DSCAML1: variants seen among roughly 807,000 people sequenced by gnomAD.
DSCAML1 encodes the protein cell adhesion molecule DSCAML1.
In DSCAML1, 38 loss-of-function variants were observed where a neutral mutation model predicts 200.5. The ratio of observed to expected loss-of-function variants is 0.19; its 90% CI spans 0.15 to 0.25. DSCAML1 has a LOEUF of 0.25. DSCAML1 is among the 10% of genes least tolerant of loss of function. The pLI is 1.00. For synonymous variants in DSCAML1, 1,215 were observed against 1,165.0 expected (o/e 1.04, Z -0.87); for missense variants, 2,223 against 2,858.8 (o/e 0.78, Z 5.07).
At chr11:117,747,249 C>T (rs1224960937) in intron 3 of DSCAML1, among the ~76,000 whole-genome samples, 1 of 152,208 alleles carries the variant, frequency 6.6e-6, no homozygotes, top group Non-Finnish European at 1.5e-5. Context: ...CATAACAAAT[C>T]AAGCACCGCA....
chr11:117,561,539 C>T (rs1222907524), intron 3 of DSCAML1, among the ~76,000 whole-genome samples: 1 of 152,216 alleles, frequency 6.6e-6, no homozygotes. Flanking sequence ...TGCCTTGCTC[C>T]ATCCACCCAG....
chr11:117,484,660 T>TATG (rs1398128882), intron 11 of DSCAML1, among the ~76,000 whole-genome samples: 1 of 152,218 alleles, frequency 6.6e-6, no homozygotes, highest in East Asian at 1.9e-4. Context: ...CATAATTCAC[T>TATG]CGTATAAACC....
At chr11:117,597,453 C>A (rs2137500215) in intron 3 of DSCAML1, among the ~76,000 whole-genome samples, 1 of 152,276 alleles carries the variant, frequency 6.6e-6, no homozygotes, top group Middle Eastern at 3.4e-3. Context: ...GGAATTATTT[C>A]TTTTGTCTTT....
Position 117,654,635 on chromosome 11 carries a change from A to G in DSCAML1, c.512-122113T>C, listed in dbSNP as rs772462341. On this transcript the variant is annotated intron_variant, in intron 3 of 32. Coordinates refer to ENST00000651296, the MANE Select transcript of DSCAML1 (RefSeq NM_020693.4). The stretch of plus-strand genomic sequence containing the variant: ...TAAATGGGCAAGATTTACTGCCGAG[A>G]TGTCACTGCTCTGGGAAGCTGCGGC... Among the ~76,000 whole-genome samples, 7 of 152,162 alleles carry G rather than the reference A, an allele frequency of 4.6e-5. No homozygotes were observed. In the East Asian group the frequency reaches 1.3e-3, roughly 29 times the overall value.
chr11:117,461,014 C>T (rs1032317182), intron 18 of DSCAML1, among the ~76,000 whole-genome samples: 2 of 152,018 alleles, frequency 1.3e-5, no homozygotes, highest in African/African-American at 4.8e-5. Flanking sequence ...TTTGAGTGTA[C>T]CGACTATTCC....
intron 3 of DSCAML1, among the ~76,000 whole-genome samples, chr11:117,722,331 T>C (rs1283991712): frequency 6.7e-6 from 1 of 148,376 alleles, no homozygotes; most frequent in Non-Finnish European, 1.5e-5. Flanking sequence ...AAAGTTGAGC[T>C]CACAGAAGTA....
intron 1 of DSCAML1, among the ~76,000 whole-genome samples, chr11:117,809,573 T>C (rs1591526485): frequency 1.3e-5 from 2 of 152,150 alleles, no homozygotes; most frequent in African/African-American, 4.8e-5. Flanking sequence ...ACTACACAGG[T>C]CCTGCCCTTC....
At chr11:117,645,313 C>T (rs2052500204) in intron 3 of DSCAML1, among the ~76,000 whole-genome samples, 1 of 152,144 alleles carries the variant, frequency 6.6e-6, no homozygotes, top group South Asian at 2.1e-4. Flanking sequence ...ATCCCTTTAT[C>T]TGAGGATCTA....
chr11:117,488,153 C>G (rs547176898), intron 11 of DSCAML1, among the ~76,000 whole-genome samples: 34 of 152,360 alleles, frequency 2.2e-4, no homozygotes, highest in African/African-American at 7.9e-4. Flanking sequence ...GAACAGAGAA[C>G]TCTGCCACTG....
chr11:117,457,778 A>G (rs1183453960), intron 19 of DSCAML1, among the ~76,000 whole-genome samples: 1 of 152,134 alleles, frequency 6.6e-6, no homozygotes. Context: ...CAACATGTCA[A>G]ACCCTTCCAG....
In DSCAML1 at chr11:117,507,895, A is replaced by T. The variant is rs532001043; in HGVS notation, c.1784-2163T>A. On this transcript the variant is annotated intron_variant, in intron 8 of 32. Coordinates refer to ENST00000651296, the MANE Select transcript of DSCAML1 (RefSeq NM_020693.4). ...TTGGGACTCTGCCCCCAGTATTCTG[A>T]GTGGTTTATCGGGCCTTAGACATCT... 2.6e-5 allele frequency among the ~76,000 whole-genome samples: 4 copies of T among 151,956 alleles called. No homozygotes were observed. In the East Asian group the frequency reaches 7.7e-4, roughly 29 times the overall value.
intron 3 of DSCAML1, among the ~76,000 whole-genome samples, chr11:117,766,498 C>T (rs12808105): frequency 0.13 from 19,033 of 152,134 alleles, 1,365 homozygotes; most frequent in African/African-American, 0.19. Flanking sequence ...GTTAGGTAGG[C>T]ATTAAACAAA....
At position 117,489,317 on chromosome 11, in the gene DSCAML1, G is replaced by A. The variant is rs571662592; in HGVS notation, c.2360-7155C>T. ...GTATATGCACAGGGCTGGGTCCTGCGTGACAAATGCTAATGACAGCCACAA... is the reference window on the plus strand; with the variant it reads ...GTATATGCACAGGGCTGGGTCCTGCATGACAAATGCTAATGACAGCCACAA... On this transcript the variant is annotated intron_variant, in intron 11 of 32. Transcript: ENST00000651296. The surrounding 1 kb of genome is among the most constrained non-coding windows in gnomAD (Gnocchi z 4.8). 6.6e-5 allele frequency among the ~76,000 whole-genome samples: 10 copies of A among 152,304 alleles called. No individual in the cohort carries two copies. In the East Asian group the frequency reaches 7.7e-4, roughly 12 times the overall value.
chr11:117,505,795 G>A lies in DSCAML1; in HGVS notation c.1784-63C>T, dbSNP rs1028479325. On this transcript the variant is annotated intron_variant, in intron 8 of 32. Transcript: ENST00000651296. The surrounding 1 kb of genome is among the most constrained non-coding windows in gnomAD (Gnocchi z 6.7). ...GCATTCTCACCTGGCCGCCAACGCCGCCTCACCTGCCTTACCTGGGGCTCT... is the reference window on the plus strand; with the variant it reads ...GCATTCTCACCTGGCCGCCAACGCCACCTCACCTGCCTTACCTGGGGCTCT... 4.7e-5 allele frequency: 72 copies of A among 1,537,212 alleles called. No individual in the cohort carries two copies. In the East Asian group the frequency reaches 4.8e-4, roughly 10 times the overall value.
At chr11:117,520,451 T>C (rs1373041213) in intron 6 of DSCAML1, among the ~76,000 whole-genome samples, 1 of 152,112 alleles carries the variant, frequency 6.6e-6, no homozygotes, top group Non-Finnish European at 1.5e-5. Context: ...TCTTCCAGCC[T>C]CTGAAGACTC....
intron 3 of DSCAML1, among the ~76,000 whole-genome samples, chr11:117,558,608 G>A (rs902753043): frequency 1.3e-5 from 2 of 152,346 alleles, no homozygotes; most frequent in East Asian, 1.9e-4. Flanking sequence ...TCTATGTGTA[G>A]CAGGACGAGT....
At position 117,657,099 on chromosome 11, in the gene DSCAML1, G is replaced by T. The variant is rs184476829; in HGVS notation, c.511+119692C>A. ...GGGCGCTCCACAGGTGACAGAGATG[G>T]CACACTCCCAGGCCAACAGCAGCTA... On this transcript the variant is annotated intron_variant, in intron 3 of 32. Transcript: ENST00000651296. Among the ~76,000 whole-genome samples the T allele has an allele frequency of 4.2e-3, 639 of 152,272 alleles. 3 individuals are homozygous for T. The highest frequency in any genetic ancestry group is 0.014 in the African/African-American group (598 of 41,556).
intron 3 of DSCAML1, among the ~76,000 whole-genome samples, chr11:117,536,917 A>T (rs1591235687): frequency 6.6e-6 from 1 of 152,230 alleles, no homozygotes; most frequent in East Asian, 1.9e-4. Context: ...TTGAGTAGCT[A>T]TTACAAATTA....
chr11:117,450,133 T>G (rs572323298), intron 20 of DSCAML1, among the ~76,000 whole-genome samples: 1 of 152,322 alleles, frequency 6.6e-6, no homozygotes. Context: ...GAGGCGCTTA[T>G]GCAGGGCAGA....
Sources: allele counts gnomAD v4.1 joint callset (sites outside exome capture counted in the v4.1 genomes callset), GRCh38; gene constraint gnomAD v4.1.1; non-coding constraint Gnocchi (gnomAD v3.1); transcripts MANE v1.5; gene names NCBI Gene and HGNC (gene_info 2026-07-23, HGNC 2026-07-21).